Variants in SEPTIN9 observed in about 807,000 individuals in gnomAD.
SEPTIN9 encodes septin 9, also known as septin-9.
In SEPTIN9, 13 loss-of-function variants were observed where a neutral mutation model predicts 56.6. The observed-to-expected ratio is 0.23, with a 90% CI of 0.15 to 0.37. The LOEUF is 0.37. Among genes scored for constraint, SEPTIN9 ranks in the 10% least tolerant of loss-of-function variants. The probability of loss-of-function intolerance (pLI) is 1.00; values close to 1 mark genes in which losing one functional copy is unlikely to be tolerated. For synonymous variants in SEPTIN9, 332 were observed against 334.1 expected (o/e 0.99, Z 0.07); for missense variants, 650 against 823.1 (o/e 0.79, Z 2.57).
intron 2 of SEPTIN9, among the ~76,000 whole-genome samples, chr17:77,380,646 G>A (rs1026943065): frequency 6.6e-6 from 1 of 152,110 alleles, no homozygotes; most frequent in Non-Finnish European, 1.5e-5. Context: ...GGCTTTCCTG[G>A]GAGAGTCTCC....
In SEPTIN9 at chr17:77,445,288, C is replaced by T. The variant is rs2037694957; in HGVS notation, c.722-36856C>T. 2 of 467,310 alleles carry T rather than the reference C, an allele frequency of 4.3e-6. No homozygotes were observed. Among genetic ancestry groups the T allele is most frequent in the Non-Finnish European group, 8.8e-6 (2 of 226,958 alleles). The allele number at this position is 467,310 out of a possible 1,614,324, so 28.9% of individuals were successfully genotyped here. ...TCCTGCTCCCCAGCCCTTTCCTCCG[C>T]ACCCCCATGCAGAAGCGCGGCCGCC... On this transcript the variant is annotated intron_variant, in intron 3 of 11. Coordinates refer to ENST00000427177, the MANE Select transcript of SEPTIN9 (RefSeq NM_001113491.2). The surrounding 1 kb of genome is among the most constrained non-coding windows in gnomAD (Gnocchi z 4.7).
chr17:77,410,940 C>T (rs971993524), intron 3 of SEPTIN9, among the ~76,000 whole-genome samples: 8 of 152,092 alleles, frequency 5.3e-5, no homozygotes, highest in Admixed American at 1.3e-4. Context: ...CAATGCACGA[C>T]GGGGCGTGGT....
chr17:77,374,374 T>G, intron 2 of SEPTIN9: 1 of 152,674 alleles, frequency 6.5e-6, no homozygotes, highest in Non-Finnish European at 1.5e-5. Flanking sequence ...GCGTGCGCTT[T>G]CCTGCGTCCT....
chr17:77,453,970 C>T lies in SEPTIN9; in HGVS notation c.722-28174C>T, dbSNP rs1598399662. Reference sequence around the variant, plus strand: ...AGAAGCCTGTCACCACCACCAGCAGCTTCCGTTATCTGGTTCTTCTGTACA... The same window carrying T: ...AGAAGCCTGTCACCACCACCAGCAGTTTCCGTTATCTGGTTCTTCTGTACA... On this transcript the variant is annotated intron_variant, in intron 3 of 11. Transcript: ENST00000427177. This position sits in a 1 kb window ranked among gnomAD's most constrained non-coding sequence, Gnocchi z 4.4. The T allele has an allele frequency of 1.2e-6, 1 of 825,360 alleles. No homozygotes were observed. The highest frequency in any genetic ancestry group is 1.5e-6 in the Non-Finnish European group (1 of 683,514). The allele number at this position is 825,360 out of a possible 1,614,324, so 51.1% of individuals were successfully genotyped here. A position where few individuals can be genotyped will look rare whatever the true frequency, so the allele number is the denominator to read the frequency against.
At position 77,475,346 on chromosome 17, in the gene SEPTIN9, A is replaced by G; in HGVS notation, c.722-6798A>G. On this transcript the variant is annotated intron_variant, in intron 3 of 11. Coordinates refer to ENST00000427177, the MANE Select transcript of SEPTIN9 (RefSeq NM_001113491.2). The surrounding 1 kb of genome is among the most constrained non-coding windows in gnomAD (Gnocchi z 4.6). ...AGGCAGGGCTTCCCCAGGATTCAGC[A>G]GGGATCTGAAGGACTTTGCAGGCAC... 7.0e-7 allele frequency: 1 copy of G among 1,432,640 alleles called. No individual in the cohort carries two copies. The highest frequency in any genetic ancestry group is 1.4e-5 in the African/African-American group (1 of 69,774). 88.7% of individuals were successfully genotyped at this position (1,432,640 alleles called of 1,614,324 possible).
In SEPTIN9 at chr17:77,356,507, G is replaced by A. The variant is rs1359882806; in HGVS notation, c.77-45552G>A. Among the ~76,000 whole-genome samples, 7 of 151,316 alleles carry A rather than the reference G, an allele frequency of 4.6e-5. 1 individual carries two copies. Among genetic ancestry groups the A allele is most frequent in the Admixed American group, 2.0e-4 (3 of 15,210 alleles). On this transcript the variant is annotated intron_variant, in intron 2 of 11. Transcript: ENST00000427177. ...GGAAAAATGGGGGCCAGGGGGGAGC[G>A]ACCTTGAAGGTATTCGTGGGAACCA... is the stretch of plus-strand genomic sequence containing the variant.
intron 2 of SEPTIN9, among the ~76,000 whole-genome samples, chr17:77,356,943 G>A (rs2034274039): frequency 6.6e-6 from 1 of 151,284 alleles, no homozygotes; most frequent in African/African-American, 2.4e-5. Context: ...TCCACTAGTG[G>A]CCTTATTTAT....
In SEPTIN9 at chr17:77,478,157, C is replaced by T. The variant is rs566304914; in HGVS notation, c.722-3987C>T. Among the ~76,000 whole-genome samples, 5 of 152,258 alleles carry T rather than the reference C, an allele frequency of 3.3e-5. 1 individual carries two copies. The South Asian group carries it at 1.0e-3, about 32-fold the overall frequency. ...AAAATCACTCTATGGACCTCAGTTTCCCCATTAGTAAAGAGTAGGTTGGAC... is the reference window on the plus strand; with the variant it reads ...AAAATCACTCTATGGACCTCAGTTTTCCCATTAGTAAAGAGTAGGTTGGAC... On this transcript the variant is annotated intron_variant, in intron 3 of 11. Coordinates refer to ENST00000427177, the MANE Select transcript of SEPTIN9 (RefSeq NM_001113491.2).
At chr17:77,488,050 C>T (rs1405348318) in intron 5 of SEPTIN9, among the ~76,000 whole-genome samples, 190 bp from the exon 6 acceptor site, 3 of 152,256 alleles carry the variant, frequency 2.0e-5, no homozygotes, top group East Asian at 3.9e-4. Flanking sequence ...AAAAGTCTGA[C>T]AGGCAAGGGG....
chr17:77,282,119 G>A (rs2031054997), intron 1 of SEPTIN9, among the ~76,000 whole-genome samples: 1 of 152,208 alleles, frequency 6.6e-6, no homozygotes, highest in Non-Finnish European at 1.5e-5. Flanking sequence ...CCCTAGCAGG[G>A]CCCGCCTTAA....
rs2036682833 is a variant in SEPTIN9 at position 77,421,042 on chromosome 17, G to A, written c.721+18339G>A. Among the ~76,000 whole-genome samples, 1 of 152,192 alleles carries A rather than the reference G, an allele frequency of 6.6e-6. No individual in the cohort carries two copies. Among genetic ancestry groups the A allele is most frequent in the Admixed American group, 6.5e-5 (1 of 15,278 alleles). ...GGCTGCTGAGCTGTCCTGGAGACGG[G>A]GTACTGTGCAGTGGTCGGGGTAGGG... On this transcript the variant is annotated intron_variant, in intron 3 of 11. Coordinates refer to ENST00000427177, the MANE Select transcript of SEPTIN9 (RefSeq NM_001113491.2). The surrounding 1 kb of genome is among the most constrained non-coding windows in gnomAD (Gnocchi z 4.6).
At chr17:77,305,751 A>G (rs1030838156) in intron 1 of SEPTIN9, among the ~76,000 whole-genome samples, 2 of 151,548 alleles carry the variant, frequency 1.3e-5, no homozygotes, top group Non-Finnish European at 2.9e-5. Flanking sequence ...GAACATGTGT[A>G]CAGGCCTGGG....
In SEPTIN9 at chr17:77,413,689, G is replaced by A. The variant is rs576137877; in HGVS notation, c.721+10986G>A. 2.9e-3 allele frequency among the ~76,000 whole-genome samples: 438 copies of A among 152,238 alleles called. 3 individuals carry two copies. The highest frequency in any genetic ancestry group is 2.9e-3 in the Non-Finnish European group (199 of 68,010). On this transcript the variant is annotated intron_variant, in intron 3 of 11. Transcript: ENST00000427177. ...CTGCAGTCTTGAGTAGGTAGTGACG[G>A]GACTGGGTCTAGGGGGCTGAGTGGT... is the stretch of plus-strand genomic sequence containing the variant.
intron 2 of SEPTIN9, among the ~76,000 whole-genome samples, chr17:77,388,452 TGGA>T (rs1200719464): frequency 2.6e-5 from 4 of 152,326 alleles, no homozygotes; most frequent in Non-Finnish European, 5.9e-5. Context: ...CTCCTCACCC[TGGA>T]GTTCAGCAGA....
intron 2 of SEPTIN9, among the ~76,000 whole-genome samples, chr17:77,368,634 C>T (rs2034637363): frequency 6.6e-6 from 1 of 152,006 alleles, no homozygotes; most frequent in African/African-American, 2.4e-5. Context: ...TTTTATATTA[C>T]ATATATTTTA....
chr17:77,360,915 CTTTT>C (rs34718935), intron 2 of SEPTIN9, among the ~76,000 whole-genome samples: 310 of 76,810 alleles, frequency 4.0e-3, no homozygotes, highest in Middle Eastern at 0.014. Flanking sequence ...GTCTTTCATC[CTTTT>C]TTTTTTTTTT....
chr17:77,338,512 G>A (rs980288409), intron 2 of SEPTIN9, among the ~76,000 whole-genome samples: 33 of 151,994 alleles, frequency 2.2e-4, no homozygotes, highest in Admixed American at 7.2e-4. Flanking sequence ...TCTGCCTCCC[G>A]GGTTCAAGCA....
At chr17:77,472,166 A>C (rs952839808) in intron 3 of SEPTIN9, among the ~76,000 whole-genome samples, 15 of 152,098 alleles carry the variant, frequency 9.9e-5, no homozygotes, top group African/African-American at 3.1e-4. Context: ...GTGGGTTGCA[A>C]ATGAAAGAAC....
chr17:77,473,978 G>A lies in SEPTIN9; in HGVS notation c.722-8166G>A, dbSNP rs558362555. Among the ~76,000 whole-genome samples the A allele has an allele frequency of 1.1e-4, 17 of 152,340 alleles. No homozygotes were observed. The East Asian group carries it at 2.3e-3, about 21-fold the overall frequency. On this transcript the variant is annotated intron_variant, in intron 3 of 11. Transcript: ENST00000427177. ...GAGGTCTGCTCACCTCTGCACGTGT[G>A]TCTAGTTTCCAGCCCTGTCGCCTTA...
Sources: allele counts gnomAD v4.1 joint callset (sites outside exome capture counted in the v4.1 genomes callset), GRCh38; gene constraint gnomAD v4.1.1; non-coding constraint Gnocchi (gnomAD v3.1); transcripts MANE v1.5; gene names NCBI Gene and HGNC (gene_info 2026-07-23, HGNC 2026-07-21).